The following ADA2 variants were observed in gnomAD, a reference collection of about 807,000 sequenced individuals.
ADA2 encodes the protein adenosine deaminase 2.
ADA2 carries 29 observed loss-of-function variants against 44.2 expected under a neutral mutation model. The observed-to-expected ratio is 0.66, with a 90% CI of 0.49 to 0.89. ADA2 has a LOEUF of 0.89. ADA2 is among the 40% of genes least tolerant of loss of function. ADA2 has a pLI of 0.00. For synonymous variants in ADA2, 215 were observed against 234.9 expected (o/e 0.92, Z 0.77); for missense variants, 637 against 644.8 (o/e 0.99, Z 0.13).
chr22:17,188,868 A>AAAAAAATATATATATATATATATATAT, intron 6 of ADA2: 1 of 81,128 alleles, frequency 1.2e-5, no homozygotes, highest in Non-Finnish European at 2.7e-5. Flanking sequence ...AAGAGCAAAA[A>AAAAAAATATATATATATATATATATAT]ATATATATAT....
chr22:17,187,919 A>G (rs777729267), intron 7 of ADA2, among the ~76,000 whole-genome samples: 1 of 152,034 alleles, frequency 6.6e-6, no homozygotes, highest in Non-Finnish European at 1.5e-5. Flanking sequence ...CCTGGCTAAC[A>G]CGGTGAAACC....
At chr22:17,210,608 T>G (rs1010287105) in intron 1 of ADA2, among the ~76,000 whole-genome samples, 10 of 150,392 alleles carry the variant, frequency 6.6e-5, no homozygotes, top group Non-Finnish European at 1.3e-4. Context: ...TTAATTTTTG[T>G]TTTTTTTAAG....
intron 7 of ADA2, 52 bp downstream of exon 7, chr22:17,188,287 A>C: frequency 7.5e-7 from 1 of 1,330,262 alleles, no homozygotes; most frequent in South Asian, 1.2e-5. Context: ...TGTGGCCAGG[A>C]GCTCTCCCAT....
intron 1 of ADA2, among the ~76,000 whole-genome samples, chr22:17,215,497 T>A (rs1335090020): frequency 6.6e-6 from 1 of 151,080 alleles, no homozygotes; most frequent in Non-Finnish European, 1.5e-5. Flanking sequence ...TCCCAGCTAC[T>A]CAGGAGGCTG....
At chr22:17,188,174 C>G (rs1302497311) in intron 7 of ADA2, among the ~76,000 whole-genome samples, 165 bp downstream of exon 7, 1 of 152,124 alleles carries the variant, frequency 6.6e-6, no homozygotes, top group Non-Finnish European at 1.5e-5. Flanking sequence ...TTCTATTATC[C>G]TTGTTATTCC....
At chr22:17,220,724 A>G (rs1044192004), upstream of ADA2, among the ~76,000 whole-genome samples, 2 of 152,060 alleles carry the variant, frequency 1.3e-5, no homozygotes, top group African/African-American at 4.8e-5. Flanking sequence ...TACCCCCAAA[A>G]GCCCACGGCA....
intron 4 of ADA2, among the ~76,000 whole-genome samples, chr22:17,196,832 A>G (rs1015482586): frequency 6.6e-6 from 1 of 152,180 alleles, no homozygotes; most frequent in African/African-American, 2.4e-5. Flanking sequence ...GGGAGACCAA[A>G]GAAATAACCT....
intron 3 of ADA2, among the ~76,000 whole-genome samples, chr22:17,206,073 T>C (rs558672798): frequency 6.6e-6 from 1 of 152,220 alleles, no homozygotes. Context: ...AGAAGATTTA[T>C]CTTCCAGCTA....
At chr22:17,201,673 A>G (rs2062289266) in intron 4 of ADA2, among the ~76,000 whole-genome samples, 1 of 152,138 alleles carries the variant, frequency 6.6e-6, no homozygotes, top group Admixed American at 6.6e-5. Context: ...CCTCAGCCCA[A>G]CAAAAACATC....
chr22:17,179,927 C>T lies in ADA2; in HGVS notation c.*1556G>A, dbSNP rs146626484. On this transcript the variant is annotated 3_prime_UTR_variant, in exon 10 of 10. Transcript: ENST00000399837. Reference sequence around the variant, plus strand: ...CGGGTGGACCACGAGGTCAGGTGTTCGAGACCAGCCTGGCCAACATAGTGA... The same window carrying T: ...CGGGTGGACCACGAGGTCAGGTGTTTGAGACCAGCCTGGCCAACATAGTGA... 4 of 152,306 alleles carry T rather than the reference C, an allele frequency of 2.6e-5. No individual in the cohort carries two copies. The highest frequency in any genetic ancestry group is 4.4e-5 in the Non-Finnish European group (3 of 68,056). The allele number at this position is 152,306 out of a possible 1,614,324, so 9.4% of individuals were successfully genotyped here.
chr22:17,188,260 A>C, intron 7 of ADA2, 79 bp downstream of exon 7: 2 of 1,024,886 alleles, frequency 2.0e-6, no homozygotes, highest in Non-Finnish European at 3.0e-6. Flanking sequence ...GTAGGCTCTA[A>C]CCCTGAGGCA....
intron 4 of ADA2, among the ~76,000 whole-genome samples, chr22:17,200,166 G>C (rs1421444317): frequency 1.3e-5 from 2 of 152,120 alleles, no homozygotes; most frequent in Non-Finnish European, 2.9e-5. Context: ...CTTTACTCCA[G>C]CCTGGGCAAC....
chr22:17,184,575 G>T (rs2062013885), intron 7 of ADA2, among the ~76,000 whole-genome samples: 1 of 152,062 alleles, frequency 6.6e-6, no homozygotes, highest in African/African-American at 2.4e-5. Flanking sequence ...TGTAAAATCG[G>T]TGGGATGCAT....
rs528271447 is a variant in ADA2 at position 17,203,614 on chromosome 22, C to G, written c.702G>C (p.Glu234Asp). ...TGTAGAGCACGTTGTCCTCGTAGAA[C>G]TCCTGCATGCTCCGGAAGACATAGT... Reference protein sequence around the residue: ...FRDYVFRSMQEFYEDNVLYME... With the variant: ...FRDYVFRSMQDFYEDNVLYME... Residue 234 changes from glutamate (E) to aspartate (D), a missense_variant, in exon 4 of 10, where the codon GAG (glutamate) becomes GAC (aspartate). Glu to Asp is a conservative substitution (Grantham distance 45, BLOSUM62 2). Coordinates refer to ENST00000399837, the MANE Select transcript of ADA2 (RefSeq NM_001282225.2). The G allele has an allele frequency of 1.9e-6, 3 of 1,613,722 alleles. No individual in the cohort carries two copies. The highest frequency in any genetic ancestry group is 2.5e-6 in the Non-Finnish European group (3 of 1,180,008).
intron 4 of ADA2, among the ~76,000 whole-genome samples, chr22:17,197,952 CG>C (rs2062214169): frequency 6.6e-6 from 1 of 151,866 alleles, no homozygotes; most frequent in South Asian, 2.1e-4. Context: ...GCAGGAGAAT[CG>C]CTTGAACCCG....
At chr22:17,185,189 G>T (rs979005921) in intron 7 of ADA2, among the ~76,000 whole-genome samples, 8 of 151,168 alleles carry the variant, frequency 5.3e-5, no homozygotes, top group Admixed American at 5.3e-4. Flanking sequence ...GAGGTGGGCG[G>T]ATCACGAGGT....
intron 4 of ADA2, among the ~76,000 whole-genome samples, chr22:17,200,403 G>A (rs1274083080): frequency 4.6e-5 from 7 of 152,084 alleles, no homozygotes; most frequent in Non-Finnish European, 1.0e-4. Context: ...CCACAAAACT[G>A]ATGAAAGCTC....
At chr22:17,207,313 G>A in intron 2 of ADA2, 23 bp from the exon 3 acceptor site, 2 of 1,555,282 alleles carry the variant, frequency 1.3e-6, no homozygotes, top group Non-Finnish European at 1.8e-6. Context: ...GAAGAATGGT[G>A]AAGACAAAGG....
At chr22:17,191,261 G>A (rs1405975543) in intron 5 of ADA2, among the ~76,000 whole-genome samples, 1 of 152,230 alleles carries the variant, frequency 6.6e-6, no homozygotes, top group Admixed American at 6.5e-5. Context: ...TTGAGCCAGT[G>A]CCACTCAGGG....
Sources: allele counts gnomAD v4.1 joint callset (sites outside exome capture counted in the v4.1 genomes callset), GRCh38; gene constraint gnomAD v4.1.1; transcripts MANE v1.5; gene names NCBI Gene and HGNC (gene_info 2026-07-23, HGNC 2026-07-21).